CDHR5: variants seen among roughly 807,000 people sequenced by gnomAD.
CDHR5 encodes the protein cadherin related family member 5.
In CDHR5, 82 loss-of-function variants were observed where a neutral mutation model predicts 69.5. The ratio of observed to expected loss-of-function variants is 1.18; its 90% CI spans 0.99 to 1.42. The LOEUF (loss-of-function observed/expected upper bound fraction) is 1.42. Among genes scored for constraint, CDHR5 ranks in the 40% most tolerant of loss-of-function variants. The probability of loss-of-function intolerance (pLI) is 0.00; values close to 1 mark genes in which losing one functional copy is unlikely to be tolerated. For synonymous variants in CDHR5, 601 were observed against 510.2 expected, an observed-to-expected ratio of 1.18 and a Z score of -2.40; for missense variants, 1,293 against 1,168.9, an observed-to-expected ratio of 1.11 and a Z score of -1.55.
rs766177413 is a variant in CDHR5, at chr11:617,539, G to C, written c.2350C>G (p.Pro784Ala). The change falls in exon 15 of 15, where the codon CCG (proline) becomes GCG (alanine). Residue 784 changes from proline to alanine, a missense_variant. Pro to Ala is a conservative substitution (Grantham distance 27). Transcript: ENST00000397542. ...CAGACAGCCTTGTACCCGCCCTCCG[G>C]CCGCCGCTCCTTGGTCAGGATGGAC... ...VRSILTKERR[P>A]EGGYKAVWFG... 2.5e-5 allele frequency: 41 copies of C among 1,612,106 alleles called. No individual in the cohort carries two copies. The highest frequency in any genetic ancestry group is 3.3e-5 in the Non-Finnish European group (39 of 1,179,620).
At chr11:622,134 C>T (rs948816841) in intron 3 of CDHR5, among the ~76,000 whole-genome samples, 4 of 152,200 alleles carry the variant, frequency 2.6e-5, no homozygotes, top group Non-Finnish European at 5.9e-5. Flanking sequence ...CAACGGCCAC[C>T]CGTCCCCGCC....
Position 617,593 on chromosome 11 carries a change from G to A in CDHR5, c.2296C>T (p.Arg766Ter), listed in dbSNP as rs137998609. Residue 766 changes from arginine (R) to a stop codon, truncating the protein, a stop_gained, in exon 15 of 15, where the codon CGA becomes TGA. Transcript: ENST00000397542. LOFTEE classifies it low-confidence loss of function (END_TRUNC). ...ACCGCCGTGGGGCTTCCGCCAGCTC[G>A]GGCCGCTGCGGGGGGCTCAGGGGCA... Reference protein sequence around the residue: ...GGAPEPPAAARAGGSPTAVRS... With the variant: ...GGAPEPPAAA 20 of 1,607,840 alleles carry A rather than the reference G, an allele frequency of 1.2e-5. No individual in the cohort carries two copies. The highest frequency in any genetic ancestry group is 4.5e-5 in the East Asian group (2 of 44,690).
chr11:620,259 G>T, intron 8 of CDHR5, 37 bp downstream of exon 8: 1 of 1,587,800 alleles, frequency 6.3e-7, no homozygotes, highest in Admixed American at 1.7e-5. Context: ...GGGACAGAGG[G>T]GGTACAGGGC....
rs750236957 is a variant in CDHR5, at chr11:617,492, C to T, written c.2397G>A (p.Thr799=). The T allele has an allele frequency of 4.3e-5, 70 of 1,612,630 alleles. No individual in the cohort carries two copies. The highest frequency in any genetic ancestry group is 1.6e-4 in the Middle Eastern group (1 of 6,084). ...CGTTGAGAACGACCACGTCTGCCTC[C>T]GTCCCGATGTCCTCGCCAAACCAGA... ...KAVWFGEDIG[T]EADVVVLNAP... is the part of the protein sequence containing the mutation. The change falls in exon 15 of 15, where the codon ACG becomes ACA. Residue 799 remains threonine, a synonymous_variant. Coordinates refer to ENST00000397542, the MANE Select transcript of CDHR5 (RefSeq NM_021924.5).
Position 618,669 on chromosome 11 carries a change from C to T in CDHR5, c.1890G>A (p.Gly630=), listed in dbSNP as rs776284460. 6 of 1,591,966 alleles carry T rather than the reference C, an allele frequency of 3.8e-6. No homozygotes were observed. The highest frequency in any genetic ancestry group is 5.1e-6 in the Non-Finnish European group (6 of 1,167,496). Residue 630 remains glycine (G), a synonymous_variant, in exon 13 of 15, where the codon GGG becomes GGA. Transcript: ENST00000397542. ...CTGGCTCTGGGGTCTGTGCTGTGCC[C>T]CCACCGGGTGTGGTTGGTTGGTGGG... ...STSHQPTTPG[G]GTAQTPEPGT...
chr11:619,574 G>A lies in CDHR5; in HGVS notation c.1193C>T (p.Ala398Val), dbSNP rs1285025819. ...GTGGTTGGTAATTCGATATGTGATG[G>A]CCGAGTTGAGGTCCTGGACAGGGTC... ...QDPEFSDLNSAITYRITNHSH... is the reference protein window; with the variant it reads ...QDPEFSDLNSVITYRITNHSH... The change falls in exon 11 of 15, where the codon GCC (alanine) becomes GTC (valine). Residue 398 changes from alanine to valine, a missense_variant. Ala to Val is a moderately conservative substitution (Grantham distance 64). Transcript: ENST00000397542. 4 of 1,613,492 alleles carry A rather than the reference G, an allele frequency of 2.5e-6. No homozygotes were observed. Among genetic ancestry groups the A allele is most frequent in the South Asian group, 2.2e-5 (2 of 91,074 alleles).
rs1857231963 is a variant in CDHR5 at position 619,583 on chromosome 11, A to G, written c.1184T>C (p.Leu395Pro). Reference sequence around the variant, plus strand: ...AATTCGATATGTGATGGCCGAGTTGAGGTCCTGGACAGGGTCTCATTGAGT... The same window carrying G: ...AATTCGATATGTGATGGCCGAGTTGGGGTCCTGGACAGGGTCTCATTGAGT... ...IQAQDPEFSD[L>P]NSAITYRITN... Residue 395 changes from leucine to proline, a missense_variant, in exon 11 of 15, where the codon CTC becomes CCC. Transcript: ENST00000397542. The G allele has an allele frequency of 1.9e-6, 3 of 1,613,388 alleles. No homozygotes were observed. Among genetic ancestry groups the G allele is most frequent in the African/African-American group, 1.3e-5 (1 of 75,028 alleles).
rs1482313725 is a variant in CDHR5 at position 622,053 on chromosome 11, C to A, written c.313-149G>T. The A allele has an allele frequency of 6.4e-6, 4 of 620,840 alleles. No homozygotes were observed. The African/African-American group carries it at 8.1e-5, about 13-fold the overall frequency. The allele number at this position is 620,840 out of a possible 1,614,324, so 38.5% of individuals were successfully genotyped here. On this transcript the variant is annotated intron_variant, in intron 3 of 14. Coordinates refer to ENST00000397542, the MANE Select transcript of CDHR5 (RefSeq NM_021924.5). ...AGTGAGGTGCACCCCTCGACGGCCACCCGTCCCTGCTGTGAGTGAGGTGCA... is the reference window on the plus strand; with the variant it reads ...AGTGAGGTGCACCCCTCGACGGCCAACCGTCCCTGCTGTGAGTGAGGTGCA...
In CDHR5 at chr11:621,546, G is replaced by A. The variant is rs1857390209; in HGVS notation, c.507+16C>T. The A allele has an allele frequency of 4.4e-6, 7 of 1,603,884 alleles. No individual in the cohort carries two copies. The highest frequency in any genetic ancestry group is 6.0e-6 in the Non-Finnish European group (7 of 1,170,734). ...AGGCGAGGGGCTCGTGCTGGGGCAG[G>A]GTGGGCGGCACTGACTGCTGTCATT... is the stretch of plus-strand genomic sequence containing the variant. On this transcript the variant is annotated intron_variant, in intron 5 of 14. Coordinates refer to ENST00000397542, the MANE Select transcript of CDHR5 (RefSeq NM_021924.5). The surrounding 1 kb of genome is among the most constrained non-coding windows in gnomAD (Gnocchi z 4.4).
rs752186161 is a variant in CDHR5 at position 620,335 on chromosome 11, G to C, written c.841C>G (p.Arg281Gly). The stretch of plus-strand genomic sequence containing the variant: ...TAGATGATGGGCTGGTTGATGCCGC[G>C]GTCTCCGTCCTCAGCGTAGATGGGT... ...PGPIYAEDGD[R>G]GINQPIIYSI... is the part of the protein sequence containing the mutation. Residue 281 changes from arginine (R) to glycine (G), a missense_variant, in exon 8 of 15, where the codon CGC becomes GGC. Transcript: ENST00000397542. 2 of 1,612,684 alleles carry C rather than the reference G, an allele frequency of 1.2e-6. No individual in the cohort carries two copies. The highest frequency in any genetic ancestry group is 2.2e-5 in the East Asian group (1 of 44,884).
rs200454671 is a variant in CDHR5 at position 624,573 on chromosome 11, A to T, written c.245T>A (p.Val82Glu). ...CGCCCACACCTCGTAATCAGGAGTC[A>T]CGTTGAGAAACAGCTGGTTTCCCTG... ...RIQGNQLFLN[V>E]TPDYEEKSLL... is the part of the protein sequence containing the mutation. Residue 82 changes from valine to glutamate, a missense_variant, in exon 2 of 15, where the codon GTG (valine) becomes GAG (glutamate). Coordinates refer to ENST00000397542, the MANE Select transcript of CDHR5 (RefSeq NM_021924.5). This position sits in a 1 kb window ranked among gnomAD's most constrained non-coding sequence, Gnocchi z 5.3. The T allele has an allele frequency of 6.7e-5, 108 of 1,607,446 alleles. No individual in the cohort carries two copies. The highest frequency in any genetic ancestry group is 9.1e-5 in the Non-Finnish European group (107 of 1,175,388).
chr11:616,933 G>T lies in CDHR5; in HGVS notation c.*418C>A. ...TGCATCGGCTCCTCAGCCTCCCCAG[G>T]CAATCTCTGTGTAGGGTCGGGAGCG... On this transcript the variant is annotated 3_prime_UTR_variant, in exon 15 of 15. Transcript: ENST00000397542. 1 of 206,056 alleles carries T rather than the reference G, an allele frequency of 4.9e-6. No homozygotes were observed. The highest frequency in any genetic ancestry group is 9.9e-6 in the Non-Finnish European group (1 of 100,680). The allele number at this position is 206,056 out of a possible 1,614,324, so 12.8% of individuals were successfully genotyped here.
intron 12 of CDHR5, 30 bp downstream of exon 12, chr11:619,276 C>T (rs755690461): frequency 1.3e-6 from 2 of 1,551,834 alleles, no homozygotes; most frequent in Non-Finnish European, 1.8e-6. Context: ...TTGGAGAACC[C>T]TGGGGGCTCA....
rs563518678 is a variant in CDHR5, at chr11:620,337, T to C, written c.839A>G (p.Asp280Gly). 96 of 1,612,580 alleles carry C rather than the reference T, an allele frequency of 6.0e-5. No individual in the cohort carries two copies. Among genetic ancestry groups the C allele is most frequent in the Non-Finnish European group, 7.5e-5 (89 of 1,179,194 alleles). The change falls in exon 8 of 15, where the codon GAC (aspartate) becomes GGC (glycine). Residue 280 changes from aspartate to glycine, a missense_variant. Coordinates refer to ENST00000397542, the MANE Select transcript of CDHR5 (RefSeq NM_021924.5). ...RPGPIYAEDG[D>G]RGINQPIIYS... ...GATGATGGGCTGGTTGATGCCGCGG[T>C]CTCCGTCCTCAGCGTAGATGGGTCC...
Position 617,598 on chromosome 11 carries a change from G to A in CDHR5, c.2291C>T (p.Ala764Val), listed in dbSNP as rs777409245. The A allele has an allele frequency of 3.5e-5, 57 of 1,605,694 alleles. No individual in the cohort carries two copies. Among genetic ancestry groups the A allele is most frequent in the South Asian group, 3.2e-4 (29 of 90,566 alleles). Residue 764 changes from alanine to valine, a missense_variant, in exon 15 of 15, where the codon GCG becomes GTG. By Grantham distance (64) the Ala-to-Val change is moderately conservative (BLOSUM62 0). Transcript: ENST00000397542. ...CGTGGGGCTTCCGCCAGCTCGGGCC[G>A]CTGCGGGGGGCTCAGGGGCACCGCC... is the stretch of plus-strand genomic sequence containing the variant. ...SPGGAPEPPA[A>V]ARAGGSPTAV...
rs116248782 is a variant in CDHR5 at position 624,851 on chromosome 11, C to T, written c.52G>A (p.Val18Ile). 3.0e-4 allele frequency: 486 copies of T among 1,594,746 alleles called. No homozygotes were observed. Among genetic ancestry groups the T allele is most frequent in the Middle Eastern group, 2.7e-3 (16 of 5,976 alleles). ...TGGGCCATGGTCCCCGGGGGTCGGACGAGCAGCCCGGTGAACAGCAGGGGA... is the reference window on the plus strand; with the variant it reads ...TGGGCCATGGTCCCCGGGGGTCGGATGAGCAGCCCGGTGAACAGCAGGGGA... ...WPPLLFTGLLVRPPGTMAQAQ... is the reference protein window; with the variant it reads ...WPPLLFTGLLIRPPGTMAQAQ... Residue 18 changes from valine to isoleucine, a missense_variant, in exon 1 of 15, where the codon GTC (valine) becomes ATC (isoleucine). Val to Ile is a conservative substitution (Grantham distance 29). Transcript: ENST00000397542. The surrounding 1 kb of genome is among the most constrained non-coding windows in gnomAD (Gnocchi z 5.3).
Position 624,666 on chromosome 11 carries a change from T to C in CDHR5, c.152A>G (p.Asp51Gly). ...CTCCTGGCCCTCCGGGACGTGGATG[T>C]CCACCAGCGGCTCGGTGACATTTGT... is the stretch of plus-strand genomic sequence containing the variant. ...ENTNVTEPLV[D>G]IHVPEGQEVT... is the part of the protein sequence containing the mutation. Residue 51 changes from aspartate (D) to glycine (G), a missense_variant, in exon 2 of 15, where the codon GAC (aspartate) becomes GGC (glycine). Physicochemically the swap from Asp to Gly is moderately conservative, Grantham distance 94 (BLOSUM62 -1). Transcript: ENST00000397542. The surrounding 1 kb of genome is among the most constrained non-coding windows in gnomAD (Gnocchi z 5.3). 3 of 1,613,538 alleles carry C rather than the reference T, an allele frequency of 1.9e-6. No homozygotes were observed. The highest frequency in any genetic ancestry group is 2.5e-6 in the Non-Finnish European group (3 of 1,179,600).
At position 621,429 on chromosome 11, in the gene CDHR5, C is replaced by T. The variant is rs1256249691; in HGVS notation, c.534G>A (p.Val178=). 1 of 1,612,860 alleles carries T rather than the reference C, an allele frequency of 6.2e-7. No individual in the cohort carries two copies. The highest frequency in any genetic ancestry group is 8.5e-7 in the Non-Finnish European group (1 of 1,179,948). ...GCCTCAGGGCGGGACGGTTTACACT[C>T]ACCAGGGAGAAGTAGTCACTGGCAC... ...TAGASDYFSL[V]SVNRPALRLD... The change falls in exon 6 of 15, where the codon GTG becomes GTA. Residue 178 remains valine, a synonymous_variant. Coordinates refer to ENST00000397542, the MANE Select transcript of CDHR5 (RefSeq NM_021924.5). This position sits in a 1 kb window ranked among gnomAD's most constrained non-coding sequence, Gnocchi z 4.4.
intron 13 of CDHR5, 125 bp downstream of exon 13, chr11:618,474 A>G: frequency 8.3e-7 from 1 of 1,201,056 alleles, no homozygotes; most frequent in Non-Finnish European, 1.2e-6. Context: ...TGTCAGTCCC[A>G]AACAGACTCC....
Sources: allele counts gnomAD v4.1 joint callset (sites outside exome capture counted in the v4.1 genomes callset), GRCh38; gene constraint gnomAD v4.1.1; non-coding constraint Gnocchi (gnomAD v3.1); transcripts MANE v1.5; gene names NCBI Gene and HGNC (gene_info 2026-07-23, HGNC 2026-07-21).